SIL1: variants seen among roughly 807,000 people sequenced by gnomAD.
The protein encoded by SIL1 is nucleotide exchange factor SIL1.
SIL1 carries 40 observed loss-of-function variants against 49.1 expected under a neutral mutation model. The ratio of observed to expected loss-of-function variants is 0.81; its 90% CI spans 0.63 to 1.06. SIL1 has a LOEUF of 1.06. Ranked by LOEUF, SIL1 falls within the 50% of genes least tolerant of loss-of-function variation. The probability of loss-of-function intolerance (pLI) is 0.00; values close to 1 mark genes in which losing one functional copy is unlikely to be tolerated. For synonymous variants in SIL1, 253 were observed against 250.8 expected, an observed-to-expected ratio of 1.01 and a Z score of -0.08; for missense variants, 500 against 572.6, an observed-to-expected ratio of 0.87 and a Z score of 1.29.
chr5:139,045,212 C>G (rs1769130114), intron 4 of SIL1, among the ~76,000 whole-genome samples: 2 of 152,034 alleles, frequency 1.3e-5, no homozygotes, highest in Admixed American at 1.3e-4. Flanking sequence ...TGAAAATTAG[C>G]CAGGCAAGGT....
intron 1 of SIL1, among the ~76,000 whole-genome samples, chr5:139,191,947 C>T (rs1291026632): frequency 1.3e-5 from 2 of 151,812 alleles, no homozygotes; most frequent in African/African-American, 4.8e-5. Flanking sequence ...TGGTGGCAGG[C>T]GCCTGTAGTC....
At chr5:139,003,042 G>T (rs1768023029) in intron 7 of SIL1, among the ~76,000 whole-genome samples, 1 of 152,120 alleles carries the variant, frequency 6.6e-6, no homozygotes, top group Admixed American at 6.5e-5. Context: ...CAATAACAAG[G>T]TTCTGAGTGC....
At chr5:139,028,317 G>A (rs1224563712) in intron 5 of SIL1, among the ~76,000 whole-genome samples, 2 of 151,848 alleles carry the variant, frequency 1.3e-5, no homozygotes, top group African/African-American at 2.4e-5. Context: ...GACCAATATG[G>A]TGAAACCCCA....
Position 139,026,781 on chromosome 5 carries a change from T to C in SIL1, c.645+20A>G. ...TTGGAGCTGTTAAAAGTCTGACTTATGGACGAAGAAATACAGTACCTGATG... is the reference window on the plus strand; with the variant it reads ...TTGGAGCTGTTAAAAGTCTGACTTACGGACGAAGAAATACAGTACCTGATG... On this transcript the variant is annotated intron_variant, in intron 6 of 9. Coordinates refer to ENST00000394817, the MANE Select transcript of SIL1 (RefSeq NM_022464.5). 1.9e-6 allele frequency: 3 copies of C among 1,613,012 alleles called. No homozygotes were observed. The highest frequency in any genetic ancestry group is 2.2e-5 in the South Asian group (2 of 91,048).
chr5:138,969,453 C>T (rs1207489875), intron 7 of SIL1, among the ~76,000 whole-genome samples: 1 of 152,232 alleles, frequency 6.6e-6, no homozygotes, highest in East Asian at 1.9e-4. Flanking sequence ...CCCAACTTTC[C>T]ATGCCTCTGT....
At chr5:139,041,042 T>A (rs1252409451) in intron 5 of SIL1, among the ~76,000 whole-genome samples, 2 of 152,074 alleles carry the variant, frequency 1.3e-5, no homozygotes, top group African/African-American at 4.8e-5. Context: ...CAGTCCCACA[T>A]GGAACCGACA....
At chr5:139,080,462 T>G (rs2151770095) in intron 3 of SIL1, among the ~76,000 whole-genome samples, 1 of 152,320 alleles carries the variant, frequency 6.6e-6, no homozygotes, top group African/African-American at 2.4e-5. Flanking sequence ...GGACAGGCTC[T>G]TCATGTATTC....
chr5:138,957,314 T>C (rs1031002647), intron 7 of SIL1, among the ~76,000 whole-genome samples: 3 of 151,386 alleles, frequency 2.0e-5, no homozygotes, highest in African/African-American at 7.3e-5. Flanking sequence ...CTCATGCCTG[T>C]AATCCCAGCA....
At chr5:139,143,919 G>A (rs1243880601) in intron 1 of SIL1, among the ~76,000 whole-genome samples, 2 of 152,084 alleles carry the variant, frequency 1.3e-5, no homozygotes, top group African/African-American at 4.8e-5. Context: ...AAACGCTGCT[G>A]AAGAAATAAA....
intron 2 of SIL1, 143 bp downstream of exon 2, chr5:139,127,596 T>C (rs1750778829): frequency 2.9e-6 from 2 of 690,584 alleles, no homozygotes; most frequent in Non-Finnish European, 5.3e-6. Flanking sequence ...GAAGTCTACC[T>C]ACTCCATGAT....
At position 139,058,393 on chromosome 5, in the gene SIL1, T is replaced by C. The variant is rs542247004; in HGVS notation, c.245-7347A>G. Among the ~76,000 whole-genome samples, 9 of 152,090 alleles carry C rather than the reference T, an allele frequency of 5.9e-5. No individual in the cohort carries two copies. The East Asian group carries it at 1.7e-3, about 29-fold the overall frequency. ...TCATGGGGGAAATACTTTCAGATTA[T>C]ACAAATCCATCCCTTGACTCTAAAA... On this transcript the variant is annotated intron_variant, in intron 3 of 9. Transcript: ENST00000394817.
chr5:139,095,145 T>G (rs1401394807), intron 3 of SIL1, among the ~76,000 whole-genome samples: 1 of 152,234 alleles, frequency 6.6e-6, no homozygotes, highest in East Asian at 1.9e-4. Flanking sequence ...GTAAAGTGAC[T>G]ATTTTTCCTT....
At chr5:139,060,442 A>G (rs1769560709) in intron 3 of SIL1, among the ~76,000 whole-genome samples, 1 of 152,070 alleles carries the variant, frequency 6.6e-6, no homozygotes, top group Non-Finnish European at 1.5e-5. Flanking sequence ...TTAAAAGATG[A>G]GATAATGATA....
chr5:139,127,684 AG>A (rs1750780349), intron 2 of SIL1, 54 bp downstream of exon 2: 1 of 1,400,642 alleles, frequency 7.1e-7, no homozygotes, highest in Admixed American at 1.9e-5. Context: ...GGTGACAGGG[AG>A]GCCTTCTCAA....
chr5:139,082,264 A>G (rs1770097682), intron 3 of SIL1, among the ~76,000 whole-genome samples: 1 of 152,178 alleles, frequency 6.6e-6, no homozygotes, highest in African/African-American at 2.4e-5. Context: ...TGATGATAGA[A>G]CTGAGTCTCT....
intron 7 of SIL1, among the ~76,000 whole-genome samples, chr5:138,998,852 CTTTTTTT>C (rs35074969): frequency 1.1e-4 from 11 of 98,806 alleles, no homozygotes; most frequent in Admixed American, 5.4e-4. Flanking sequence ...ATTATCTTTC[CTTTTTTT>C]TTTTTTTTTT....
intron 1 of SIL1, among the ~76,000 whole-genome samples, chr5:139,134,924 C>A (rs1009483059): frequency 5.3e-5 from 8 of 152,172 alleles, no homozygotes; most frequent in Non-Finnish European, 1.2e-4. Flanking sequence ...AGTGCACTAC[C>A]TAATTTAAGC....
rs1766678272 is a variant in SIL1 at position 138,948,193 on chromosome 5, C to T, written c.1030-720G>A. On this transcript the variant is annotated intron_variant, in intron 9 of 9. Transcript: ENST00000394817. The surrounding 1 kb of genome is among the most constrained non-coding windows in gnomAD (Gnocchi z 4.8). ...GAGGGAAGCCCAGGAGAAGAGGAGG[C>T]CACAGTGGACCACCTGTGCTTCCTG... 6.6e-6 allele frequency among the ~76,000 whole-genome samples: 1 copy of T among 152,146 alleles called. No individual in the cohort carries two copies. Among genetic ancestry groups the T allele is most frequent in the Non-Finnish European group, 1.5e-5 (1 of 68,018 alleles).
intron 1 of SIL1, among the ~76,000 whole-genome samples, chr5:139,155,629 G>A (rs542527560): frequency 2.0e-5 from 3 of 152,258 alleles, no homozygotes; most frequent in African/African-American, 7.2e-5. Context: ...TATGAATTTT[G>A]GGAGACACAA....
Sources: gnomAD v4.1 joint callset for allele counts (sites outside exome capture counted in the v4.1 genomes callset) on GRCh38, gnomAD v4.1.1 for gene constraint, Gnocchi (gnomAD v3.1) non-coding constraint, MANE v1.5 for transcripts, NCBI Gene and HGNC (gene_info 2026-07-23, HGNC 2026-07-21) for gene names.